Variants in PLCL2 observed in about 807,000 individuals in gnomAD.
PLCL2 encodes phospholipase C like 2, also known as inactive phospholipase C-like protein 2.
Under a neutral mutation model 79.6 loss-of-function variants are expected in PLCL2, and 4 were observed. The ratio of observed to expected loss-of-function variants is 0.05; its 90% CI spans 0.02 to 0.11. The LOEUF is 0.11. Ranked by LOEUF, PLCL2 falls within the 10% of genes least tolerant of loss-of-function variation. The pLI is 1.00. For missense variants in PLCL2, 895 were observed against 1,291.0 expected, an observed-to-expected ratio of 0.69 and a Z score of 4.70; for synonymous variants, 484 against 457.7, an observed-to-expected ratio of 1.06 and a Z score of -0.73.
At chr3:17,050,930 T>C (rs1442548159) in intron 4 of PLCL2, among the ~76,000 whole-genome samples, 1 of 152,176 alleles carries the variant, frequency 6.6e-6, no homozygotes, top group Admixed American at 6.5e-5. Flanking sequence ...ATATTGTGTG[T>C]GATACTTATA....
rs1992382 is a variant in PLCL2 at position 16,886,593 on chromosome 3, G to A, written c.327+1227G>A. The stretch of plus-strand genomic sequence containing the variant: ...GCATTTCCCTTTGTCATCTGTTTGC[G>A]CAGTTTATGTCTGGGCAAGGACACA... On this transcript the variant is annotated intron_variant, in intron 1 of 5. Transcript: ENST00000615277. This position sits in a 1 kb window ranked among gnomAD's most constrained non-coding sequence, Gnocchi z 4.2. 0.072 allele frequency among the ~76,000 whole-genome samples: 11,012 copies of A among 152,270 alleles called. 559 individuals are homozygous for A. Among genetic ancestry groups the A allele is most frequent in the Admixed American group, 0.16 (2,446 of 15,290 alleles).
chr3:16,975,923 G>T (rs2063921244), intron 1 of PLCL2, among the ~76,000 whole-genome samples: 1 of 152,028 alleles, frequency 6.6e-6, no homozygotes, highest in Non-Finnish European at 1.5e-5. Flanking sequence ...CTGGTGTGAT[G>T]GGGCTGCTGG....
At chr3:16,996,605 G>A (rs2064155831) in intron 1 of PLCL2, among the ~76,000 whole-genome samples, 1 of 152,074 alleles carries the variant, frequency 6.6e-6, no homozygotes, top group Non-Finnish European at 1.5e-5. Context: ...AGGAAGCCAG[G>A]GTGAATTTGG....
At chr3:17,061,938 A>G (rs1304610322) in intron 4 of PLCL2, among the ~76,000 whole-genome samples, 1 of 152,124 alleles carries the variant, frequency 6.6e-6, no homozygotes, top group East Asian at 1.9e-4. Context: ...CTGCTTGATG[A>G]CCTACTATTT....
intron 4 of PLCL2, among the ~76,000 whole-genome samples, chr3:17,053,343 G>C (rs1381532396): frequency 1.3e-5 from 2 of 152,076 alleles, no homozygotes; most frequent in South Asian, 4.1e-4. Context: ...TAAACAACCA[G>C]ATCTCATGAG....
intron 3 of PLCL2, among the ~76,000 whole-genome samples, chr3:17,041,609 T>C (rs187598860): frequency 1.3e-5 from 2 of 152,294 alleles, no homozygotes; most frequent in East Asian, 3.9e-4. Context: ...TTAGTTACTA[T>C]AAGATAATTA....
chr3:17,066,212 A>G (rs901873577), intron 4 of PLCL2, among the ~76,000 whole-genome samples: 2 of 152,092 alleles, frequency 1.3e-5, no homozygotes, highest in African/African-American at 2.4e-5. Flanking sequence ...AAAGTTGGAG[A>G]AAAGGGGAGT....
chr3:16,994,754 T>C (rs1232904102), intron 1 of PLCL2, among the ~76,000 whole-genome samples: 1 of 152,198 alleles, frequency 6.6e-6, no homozygotes, highest in Non-Finnish European at 1.5e-5. Context: ...GATATTTAGC[T>C]TCTGACATCC....
chr3:17,061,704 T>C (rs1385314647), intron 4 of PLCL2, among the ~76,000 whole-genome samples: 1 of 152,218 alleles, frequency 6.6e-6, no homozygotes, highest in African/African-American at 2.4e-5. Flanking sequence ...TGTTTCTTTA[T>C]ATAAAAATTC....
intron 3 of PLCL2, among the ~76,000 whole-genome samples, chr3:17,027,501 C>T (rs1365449821): frequency 6.6e-6 from 1 of 152,152 alleles, no homozygotes; most frequent in Non-Finnish European, 1.5e-5. Flanking sequence ...TGTTTACTGT[C>T]TGGCTCTGTA....
At chr3:17,036,871 G>A (rs183211421) in intron 3 of PLCL2, among the ~76,000 whole-genome samples, 199 of 152,308 alleles carry the variant, frequency 1.3e-3, no homozygotes, top group African/African-American at 2.0e-3. Context: ...GGCTCCTCAC[G>A]TGGTGGGAGA....
intron 3 of PLCL2, among the ~76,000 whole-genome samples, chr3:17,036,609 G>C (rs2064658423): frequency 6.6e-6 from 1 of 152,128 alleles, no homozygotes; most frequent in African/African-American, 2.4e-5. Context: ...AATTCCCAAG[G>C]GCATCTTGAT....
chr3:16,977,975 A>T (rs1224175892), intron 1 of PLCL2, among the ~76,000 whole-genome samples: 1 of 152,194 alleles, frequency 6.6e-6, no homozygotes, highest in Non-Finnish European at 1.5e-5. Flanking sequence ...AATCCCATTT[A>T]TTAGGGCTCT....
intron 1 of PLCL2, among the ~76,000 whole-genome samples, chr3:16,962,850 G>A (rs576615224): frequency 5.3e-5 from 8 of 151,972 alleles, no homozygotes; most frequent in Non-Finnish European, 8.8e-5. Context: ...CAAAGAATAC[G>A]TGTGTGTTTA....
chr3:16,909,307 G>A (rs935199844), intron 1 of PLCL2, among the ~76,000 whole-genome samples: 2 of 152,122 alleles, frequency 1.3e-5, no homozygotes, highest in African/African-American at 4.8e-5. Context: ...TTTTAGCTCT[G>A]CCACTTACTG....
At chr3:16,952,304 A>ATGT (rs2063660911) in intron 1 of PLCL2, among the ~76,000 whole-genome samples, 1 of 141,134 alleles carries the variant, frequency 7.1e-6, no homozygotes, top group African/African-American at 2.6e-5. Flanking sequence ...TATGTAGCAA[A>ATGT]TGTATACCTA....
intron 1 of PLCL2, among the ~76,000 whole-genome samples, chr3:16,941,055 C>G (rs1232177583): frequency 6.6e-6 from 1 of 152,216 alleles, no homozygotes; most frequent in Non-Finnish European, 1.5e-5. Flanking sequence ...CAGCTTTCCT[C>G]TCCTTCTGAC....
At chr3:17,073,123 G>A (rs181922548) in intron 5 of PLCL2, among the ~76,000 whole-genome samples, 27 of 152,284 alleles carry the variant, frequency 1.8e-4, no homozygotes, top group Middle Eastern at 6.8e-3. Flanking sequence ...CATAATGTTT[G>A]TAAAATAAAA....
At chr3:17,042,156 C>A (rs1330584973) in intron 3 of PLCL2, among the ~76,000 whole-genome samples, 2 of 152,074 alleles carry the variant, frequency 1.3e-5, no homozygotes, top group Non-Finnish European at 2.9e-5. Context: ...ATCCCATTTC[C>A]TTTTCATAGT....
Sources: allele counts gnomAD v4.1 joint callset (sites outside exome capture counted in the v4.1 genomes callset), GRCh38; gene constraint gnomAD v4.1.1; non-coding constraint Gnocchi (gnomAD v3.1); transcripts MANE v1.5; gene names NCBI Gene and HGNC (gene_info 2026-07-23, HGNC 2026-07-21).